The following SANBR variants were observed in gnomAD, a reference collection of about 807,000 sequenced individuals.
SANBR encodes SANT and BTB domain regulator of class switch recombination.
Under a neutral mutation model 101.8 loss-of-function variants are expected in SANBR, and 77 were observed. The ratio of observed to expected loss-of-function variants is 0.76; its 90% CI spans 0.63 to 0.91. SANBR has a LOEUF of 0.91. SANBR is among the 40% of genes least tolerant of loss of function. The probability of loss-of-function intolerance (pLI) is 0.00; values close to 1 mark genes in which losing one functional copy is unlikely to be tolerated. For synonymous variants in SANBR, 279 were observed against 274.7 expected (o/e 1.02, Z -0.15); for missense variants, 875 against 853.0 (o/e 1.03, Z -0.32).
intron 16 of SANBR, among the ~76,000 whole-genome samples, chr2:61,115,578 G>T (rs981113049): frequency 6.6e-6 from 1 of 152,036 alleles, no homozygotes; most frequent in Non-Finnish European, 1.5e-5. Context: ...AGACAAATCT[G>T]TAAGGAAAAA....
At chr2:61,076,118 TAG>T (rs1482654947) in intron 5 of SANBR, among the ~76,000 whole-genome samples, 5 of 151,360 alleles carry the variant, frequency 3.3e-5, no homozygotes, top group Admixed American at 1.3e-4. Context: ...CTCAGCCTCC[TAG>T]GTAGCTGGGA....
intron 16 of SANBR, among the ~76,000 whole-genome samples, chr2:61,109,673 T>A (rs1324068328): frequency 2.7e-5 from 4 of 149,290 alleles, no homozygotes; most frequent in Admixed American, 2.0e-4. Context: ...CATGTTTTTT[T>A]TGTGTTTGTT....
At chr2:61,102,420 C>G (rs1305052008) in intron 12 of SANBR, among the ~76,000 whole-genome samples, 1 of 136,542 alleles carries the variant, frequency 7.3e-6, no homozygotes, top group Admixed American at 7.3e-5. Context: ...GCACTTCAGA[C>G]AAAAAAACAG....
chr2:61,130,929 CAAAAAAAA>C (rs59171411), intron 20 of SANBR, among the ~76,000 whole-genome samples: 30 of 13,214 alleles, frequency 2.3e-3, no homozygotes, highest in African/African-American at 4.0e-3. Flanking sequence ...GACTCTGTCT[CAAAAAAAA>C]AAAAAAAAAA....
chr2:61,080,733 CAACAAAAAAAAACAAA>C (rs906374063), intron 6 of SANBR, among the ~76,000 whole-genome samples: 1 of 151,190 alleles, frequency 6.6e-6, no homozygotes, highest in Non-Finnish European at 1.5e-5. Context: ...AAAAAAACAA[CAACAAAAAAAAACAAA>C]AAACCTTGAA....
chr2:61,098,853 A>G (rs970180598), intron 12 of SANBR, among the ~76,000 whole-genome samples: 5 of 152,252 alleles, frequency 3.3e-5, no homozygotes, highest in Admixed American at 2.6e-4. Flanking sequence ...GCCTTTATGG[A>G]ACTTACAGCT....
chr2:61,125,943 A>G (rs551152824), downstream of SANBR, among the ~76,000 whole-genome samples: 1 of 152,304 alleles, frequency 6.6e-6, no homozygotes, highest in Non-Finnish European at 1.5e-5. Context: ...GGTTGCCTGA[A>G]AATTTTCTCT....
At chr2:61,115,834 T>C in intron 16 of SANBR, 145 bp from the exon 17 acceptor site, 3 of 523,914 alleles carry the variant, frequency 5.7e-6, no homozygotes, top group Non-Finnish European at 1.0e-5. Context: ...CTTTGCTTCA[T>C]GGTATATTTG....
chr2:61,094,888 G>A (rs905243435), intron 11 of SANBR, among the ~76,000 whole-genome samples: 3 of 152,004 alleles, frequency 2.0e-5, no homozygotes, highest in Admixed American at 6.6e-5. Flanking sequence ...CAGGTGATCC[G>A]CCTGCCTTGG....
At chr2:61,134,350 A>T in intron 21 of SANBR, 1 of 1,421,712 alleles carries the variant, frequency 7.0e-7, no homozygotes, top group Non-Finnish European at 9.4e-7. Context: ...TATTGTGCTT[A>T]TTCCCATTTT....
chr2:61,106,121 G>A (rs543708074), intron 13 of SANBR, among the ~76,000 whole-genome samples: 3 of 152,122 alleles, frequency 2.0e-5, no homozygotes, highest in Non-Finnish European at 2.9e-5. Context: ...GGCTGGGCGC[G>A]GTGGCTCACA....
intron 20 of SANBR, among the ~76,000 whole-genome samples, chr2:61,131,373 A>G (rs1277261159): frequency 6.6e-6 from 1 of 152,246 alleles, no homozygotes; most frequent in East Asian, 1.9e-4. Context: ...ATCAATATGA[A>G]GAAATCAACT....
At chr2:61,104,539 A>G (rs924517191) in intron 13 of SANBR, among the ~76,000 whole-genome samples, 2 of 152,070 alleles carry the variant, frequency 1.3e-5, no homozygotes, top group African/African-American at 2.4e-5. Flanking sequence ...CTTAAATCCA[A>G]TGTGTGGTGG....
At chr2:61,102,307 C>T (rs918303218) in intron 12 of SANBR, among the ~76,000 whole-genome samples, 21 of 131,134 alleles carry the variant, frequency 1.6e-4, no homozygotes, top group Non-Finnish European at 4.6e-5. Flanking sequence ...ACCTGGGAGG[C>T]GGAGACCCGC....
chr2:61,130,254 G>C (rs1684645356), intron 20 of SANBR, among the ~76,000 whole-genome samples: 1 of 152,076 alleles, frequency 6.6e-6, no homozygotes, highest in Non-Finnish European at 1.5e-5. Flanking sequence ...TGGGATTACA[G>C]TTTATAAAGG....
At chr2:61,082,399 T>A (rs894609516) in intron 7 of SANBR, among the ~76,000 whole-genome samples, 2 of 151,994 alleles carry the variant, frequency 1.3e-5, no homozygotes, top group Non-Finnish European at 2.9e-5. Context: ...ATACCTCAGG[T>A]TGTAGAGGTA....
intron 8 of SANBR, among the ~76,000 whole-genome samples, 167 bp downstream of exon 8, chr2:61,083,481 C>A (rs956472621): frequency 1.3e-5 from 2 of 151,556 alleles, no homozygotes; most frequent in African/African-American, 4.9e-5. Context: ...ACTGCAGCCT[C>A]AACCTCCTGA....
chr2:61,137,474 G>A (rs1258439846), exon 22 of SANBR: 1 of 152,252 alleles, frequency 6.6e-6, no homozygotes, highest in East Asian at 1.9e-4. Context: ...GTGAGGCAGA[G>A]ACACAAAGAT....
At chr2:61,102,401 A>G in intron 12 of SANBR, among the ~76,000 whole-genome samples, 1 of 151,708 alleles carries the variant, frequency 6.6e-6, no homozygotes, top group African/African-American at 2.4e-5. Context: ...AATTGGAGAA[A>G]GACAACCGGC....
Sources: gnomAD v4.1 joint callset for allele counts (sites outside exome capture counted in the v4.1 genomes callset) on GRCh38, gnomAD v4.1.1 for gene constraint, MANE v1.5 for transcripts, NCBI Gene and HGNC (gene_info 2026-07-23, HGNC 2026-07-21) for gene names.